COLGALT1: variants seen among roughly 807,000 people sequenced by gnomAD.
The protein encoded by COLGALT1 is procollagen galactosyltransferase 1.
COLGALT1 carries 43 observed loss-of-function variants against 60.8 expected under a neutral mutation model. The ratio of observed to expected loss-of-function variants is 0.71; its 90% CI spans 0.55 to 0.91. The LOEUF (loss-of-function observed/expected upper bound fraction) is 0.91, where lower values mean the gene tolerates loss of function less well. COLGALT1 is among the 40% of genes least tolerant of loss of function. The pLI, the probability that COLGALT1 is intolerant of heterozygous loss-of-function variation, is 0.00. For missense variants in COLGALT1, 845 were observed against 880.0 expected (o/e 0.96, Z 0.50); for synonymous variants, 369 against 374.2 (o/e 0.99, Z 0.16).
In COLGALT1 at chr19:17,582,432, T is replaced by C. The variant is rs1210000796; in HGVS notation, c.*988T>C. 2 of 152,160 alleles carry C rather than the reference T, an allele frequency of 1.3e-5. No homozygotes were observed. Among genetic ancestry groups the C allele is most frequent in the Non-Finnish European group, 2.9e-5 (2 of 68,028 alleles). The allele number at this position is 152,160 out of a possible 1,614,324, so 9.4% of individuals were successfully genotyped here. A position where few individuals can be genotyped will look rare whatever the true frequency, so the allele number is the denominator to read the frequency against. ...TTTTTTTCCTCACTGCTAGACGGTGTGGGAACTTCTCACTCATTGGCTTCT... is the reference window on the plus strand; with the variant it reads ...TTTTTTTCCTCACTGCTAGACGGTGCGGGAACTTCTCACTCATTGGCTTCT... On this transcript the variant is annotated 3_prime_UTR_variant, in exon 12 of 12. Transcript: ENST00000252599.
rs531846762 is a variant in COLGALT1, at chr19:17,568,141, A to C, written c.625-368A>C. On this transcript the variant is annotated intron_variant, in intron 4 of 11. Coordinates refer to ENST00000252599, the MANE Select transcript of COLGALT1 (RefSeq NM_024656.4). Reference sequence around the variant, plus strand: ...AGTGGTGGTGTCAGGATGGGACTTCAGGCATGGCTTGATCCAGGTGTTTGG... The same window carrying C: ...AGTGGTGGTGTCAGGATGGGACTTCCGGCATGGCTTGATCCAGGTGTTTGG... Among the ~76,000 whole-genome samples, 41 of 152,282 alleles carry C rather than the reference A, an allele frequency of 2.7e-4. No individual in the cohort carries two copies. The South Asian group carries it at 8.1e-3, about 30-fold the overall frequency.
intron 3 of COLGALT1, among the ~76,000 whole-genome samples, chr19:17,565,770 G>C (rs938393111): frequency 6.6e-6 from 1 of 152,140 alleles, no homozygotes; most frequent in Non-Finnish European, 1.5e-5. Context: ...GTAATTCTAT[G>C]TTTAGCTTTT....
intron 6 of COLGALT1, among the ~76,000 whole-genome samples, chr19:17,576,681 TG>T (rs1405836805): frequency 7.0e-5 from 1 of 14,280 alleles, no homozygotes; most frequent in Non-Finnish European, 1.4e-4. Context: ...AAGGTGGGGC[TG>T]GGGGGGTGCA....
At chr19:17,556,032 C>T (rs1184786080) in intron 1 of COLGALT1, 59 bp downstream of exon 1, 1 of 1,276,522 alleles carries the variant, frequency 7.8e-7, no homozygotes. Context: ...TTGCTGTCCC[C>T]ATAGGGGTGG....
intron 1 of COLGALT1, among the ~76,000 whole-genome samples, chr19:17,557,364 C>T (rs1012372557): frequency 2.6e-5 from 4 of 152,124 alleles, no homozygotes; most frequent in South Asian, 2.1e-4. Flanking sequence ...TACAGTGACA[C>T]GATCTCAGCT....
chr19:17,574,903 C>T (rs1423140792), intron 6 of COLGALT1, among the ~76,000 whole-genome samples: 1 of 152,186 alleles, frequency 6.6e-6, no homozygotes, highest in Non-Finnish European at 1.5e-5. Flanking sequence ...GTTACCCAGG[C>T]TGGAATGCAG....
chr19:17,556,466 C>A (rs1384360297), intron 1 of COLGALT1: 12 of 885,714 alleles, frequency 1.4e-5, no homozygotes, highest in African/African-American at 1.8e-5. Context: ...TGGCTCCAGG[C>A]CCCAGTCAAA....
chr19:17,577,376 C>A lies in COLGALT1; in HGVS notation c.1042C>A (p.Leu348Met). Residue 348 changes from leucine to methionine, a missense_variant, in exon 8 of 12, where the codon CTG becomes ATG. Coordinates refer to ENST00000252599, the MANE Select transcript of COLGALT1 (RefSeq NM_024656.4). ...CGGGCTGCAGGTCTTCATGATCAAC[C>A]TGAGGCGGCGGCAGGACCGGCGGGA... ...MGFDEVFMIN[L>M]RRRQDRRERM... 6.3e-7 allele frequency: 1 copy of A among 1,597,792 alleles called. No homozygotes were observed. Among genetic ancestry groups the A allele is most frequent in the South Asian group, 1.1e-5 (1 of 89,456 alleles).
intron 5 of COLGALT1, among the ~76,000 whole-genome samples, chr19:17,570,673 C>A (rs570765691): frequency 1.6e-4 from 25 of 152,238 alleles, no homozygotes; most frequent in South Asian, 8.3e-4. Context: ...TCAATTGATT[C>A]TCCTGCCTTA....
intron 1 of COLGALT1, among the ~76,000 whole-genome samples, chr19:17,558,265 G>C (rs2144813436): frequency 6.6e-6 from 1 of 151,040 alleles, no homozygotes; most frequent in South Asian, 2.1e-4. Context: ...AGTAGAGATG[G>C]GGTTTCGCCA....
Position 17,582,428 on chromosome 19 carries a change from G to C in COLGALT1, c.*984G>C, listed in dbSNP as rs2076389940. The C allele has an allele frequency of 6.6e-6, 1 of 152,082 alleles. No individual in the cohort carries two copies. The highest frequency in any genetic ancestry group is 6.6e-5 in the Admixed American group (1 of 15,258). The allele number at this position is 152,082 out of a possible 1,614,324, so 9.4% of individuals were successfully genotyped here. ...TTTCTTTTTTTCCTCACTGCTAGAC[G>C]GTGTGGGAACTTCTCACTCATTGGC... On this transcript the variant is annotated 3_prime_UTR_variant, in exon 12 of 12. Transcript: ENST00000252599.
At chr19:17,577,126 G>C in intron 6 of COLGALT1, 69 bp from the exon 7 acceptor site, 1 of 1,501,480 alleles carries the variant, frequency 6.7e-7, no homozygotes, top group Non-Finnish European at 9.2e-7. Context: ...GGAGTGGGTG[G>C]GGAAAGCGTG....
At chr19:17,568,743 G>A (rs1323481438) in intron 5 of COLGALT1, 30 bp downstream of exon 5, 2 of 1,609,504 alleles carry the variant, frequency 1.2e-6, no homozygotes, top group Non-Finnish European at 8.5e-7. Context: ...GCCATCGCAG[G>A]GGCATCTGCC....
chr19:17,579,763 A>G (rs1014964378), intron 10 of COLGALT1, among the ~76,000 whole-genome samples, 154 bp downstream of exon 10: 6 of 151,812 alleles, frequency 4.0e-5, no homozygotes, highest in African/African-American at 9.7e-5. Flanking sequence ...GCCTAGGTAC[A>G]TGGCCAGGGC....
intron 1 of COLGALT1, among the ~76,000 whole-genome samples, chr19:17,559,021 T>C (rs959303208): frequency 2.3e-4 from 35 of 151,528 alleles, no homozygotes; most frequent in South Asian, 6.3e-4. Context: ...ATTAGCCGGG[T>C]GTGGTGGCGG....
rs2076347201 is a variant in COLGALT1, at chr19:17,577,032, A to C, written c.950-163A>C. The C allele has an allele frequency of 1.4e-5, 7 of 497,844 alleles. No homozygotes were observed. The Admixed American group carries it at 2.3e-4, about 16-fold the overall frequency. 30.8% of individuals were successfully genotyped at this position (497,844 alleles called of 1,614,324 possible). ...GGCTGCTGTGCAGGGTTCAAATGACATGGGAGGGGCTCCTAGAGGGCAGCG... is the reference window on the plus strand; with the variant it reads ...GGCTGCTGTGCAGGGTTCAAATGACCTGGGAGGGGCTCCTAGAGGGCAGCG... On this transcript the variant is annotated intron_variant, in intron 6 of 11. Transcript: ENST00000252599.
rs761882158 is a variant in COLGALT1, at chr19:17,568,613, G to A, written c.729G>A (p.Arg243=). The change falls in exon 5 of 12, where the codon CGG becomes CGA. Residue 243 remains arginine (R), a synonymous_variant. Coordinates refer to ENST00000252599, the MANE Select transcript of COLGALT1 (RefSeq NM_024656.4). ...MVHSTFLIDL[R]KAASRNLAFY... is the part of the protein sequence containing the mutation. The stretch of plus-strand genomic sequence containing the variant: ...ACTCGACCTTCCTGATCGACCTGCG[G>A]AAGGCGGCGTCCAGGAACCTGGCCT... The A allele has an allele frequency of 6.2e-7, 1 of 1,614,220 alleles. No homozygotes were observed. The highest frequency in any genetic ancestry group is 2.2e-5 in the East Asian group (1 of 44,884).
rs1330214620 is a variant in COLGALT1 at position 17,555,819 on chromosome 19, G to A, written c.106G>A (p.Ala36Thr). The A allele has an allele frequency of 7.9e-7, 1 of 1,270,272 alleles. No individual in the cohort carries two copies. The highest frequency in any genetic ancestry group is 9.9e-7 in the Non-Finnish European group (1 of 1,006,832). The allele number at this position is 1,270,272 out of a possible 1,614,324, so 78.7% of individuals were successfully genotyped here. The change falls in exon 1 of 12, where the codon GCC (alanine) becomes ACC (threonine). Residue 36 changes from alanine (A) to threonine (T), a missense_variant. Ala to Thr is a moderately conservative substitution (Grantham distance 58, BLOSUM62 0). Coordinates refer to ENST00000252599, the MANE Select transcript of COLGALT1 (RefSeq NM_024656.4). ...GCCGGGGGCCCCGCCGGGCGCCGACGCCTACTTCCCCGAGGAGCGCTGGAG... is the reference window on the plus strand; with the variant it reads ...GCCGGGGGCCCCGCCGGGCGCCGACACCTACTTCCCCGAGGAGCGCTGGAG... ...LPPGAPPGAD[A>T]YFPEERWSPE...
intron 1 of COLGALT1, among the ~76,000 whole-genome samples, chr19:17,557,617 T>A (rs1044880512): frequency 6.6e-6 from 1 of 152,080 alleles, no homozygotes; most frequent in African/African-American, 2.4e-5. Context: ...ACTTTTTTTT[T>A]TGATACAGGG....
Sources: gnomAD v4.1 joint callset for allele counts (sites outside exome capture counted in the v4.1 genomes callset) on GRCh38, gnomAD v4.1.1 for gene constraint, MANE v1.5 for transcripts, NCBI Gene and HGNC (gene_info 2026-07-23, HGNC 2026-07-21) for gene names.